The following ANKHD1 variants were observed in gnomAD, a reference collection of about 807,000 sequenced individuals.
ANKHD1 encodes ankyrin repeat and KH domain containing 1.
In ANKHD1, 31 loss-of-function variants were observed where a neutral mutation model predicts 230.5. The ratio of observed to expected loss-of-function variants is 0.13; its 90% confidence interval spans 0.10 to 0.18. The LOEUF (loss-of-function observed/expected upper bound fraction) is 0.18, where lower values mean the gene tolerates loss of function less well. Ranked by LOEUF, ANKHD1 falls within the 10% of genes least tolerant of loss-of-function variation. The pLI, the probability that ANKHD1 is intolerant of heterozygous loss-of-function variation, is 1.00. For synonymous variants in ANKHD1, 1,074 were observed against 1,117.6 expected (o/e 0.96, Z 0.78); for missense variants, 2,256 against 3,071.3 (o/e 0.73, Z 6.27).
At chr5:140,426,692 C>T (rs1041572479) in intron 1 of ANKHD1, among the ~76,000 whole-genome samples, 5 of 152,098 alleles carry the variant, frequency 3.3e-5, no homozygotes, top group African/African-American at 1.2e-4. Flanking sequence ...TCCCTGGGTA[C>T]TTGAGACCAG....
At chr5:140,530,849 A>ATGTTGC (rs1753780569) in intron 29 of ANKHD1, among the ~76,000 whole-genome samples, 4 of 152,402 alleles carry the variant, frequency 2.6e-5, no homozygotes, top group Admixed American at 1.3e-4. Flanking sequence ...GTTGCTAATT[A>ATGTTGC]TAAACTGACC....
intron 1 of ANKHD1, among the ~76,000 whole-genome samples, chr5:140,421,018 G>T (rs1771931411): frequency 1.3e-5 from 2 of 152,186 alleles, no homozygotes; most frequent in Non-Finnish European, 2.9e-5. Context: ...TTTAAACCAT[G>T]TAATTTAAAT....
At position 140,496,612 on chromosome 5, in the gene ANKHD1, G is replaced by A. The variant is rs2127037055; in HGVS notation, c.2338G>A (p.Glu780Lys). The A allele has an allele frequency of 6.2e-7, 1 of 1,613,718 alleles. No individual in the cohort carries two copies. Among genetic ancestry groups the A allele is most frequent in the Non-Finnish European group, 8.5e-7 (1 of 1,179,972 alleles). ...ATACCAGCCTTTGGAGTGCATAGTAGAGGAGACTGAAGGCAAGCTGAATGA... is the reference window on the plus strand; with the variant it reads ...ATACCAGCCTTTGGAGTGCATAGTAAAGGAGACTGAAGGCAAGCTGAATGA... Reference protein sequence around the residue: ...HPYQPLECIVEETEGKLNELG... With the variant: ...HPYQPLECIVKETEGKLNELG... Residue 780 changes from glutamate (E) to lysine (K), a missense_variant, in exon 15 of 34, where the codon GAG becomes AAG. Around this residue, in one of 13 missense-constraint regions of ANKHD1, gnomAD observed 358 missense variants for 397.7 expected, o/e 0.90. Coordinates refer to ENST00000360839, the MANE Select transcript of ANKHD1 (RefSeq NM_017747.3).
chr5:140,436,139 T>C lies in ANKHD1; in HGVS notation c.342T>C (p.Asp114=). 1 of 1,594,402 alleles carries C rather than the reference T, an allele frequency of 6.3e-7. No individual in the cohort carries two copies. Among genetic ancestry groups the C allele is most frequent in the South Asian group, 1.1e-5 (1 of 87,178 alleles). ...TTATTTTGGACCAAGAAGATCTGGA[T>C]AACCCAGTGCTTAAAACAACATCAG... ...ESFILDQEDL[D]NPVLKTTSEI... is the part of the protein sequence containing the mutation. Residue 114 remains aspartate (D), a synonymous_variant, in exon 2 of 34, where the codon GAT becomes GAC. Transcript: ENST00000360839.
chr5:140,436,791 AC>A (rs1435272730), intron 2 of ANKHD1, among the ~76,000 whole-genome samples: 2 of 152,064 alleles, frequency 1.3e-5, no homozygotes, highest in African/African-American at 4.8e-5. Context: ...AGGAAAACTT[AC>A]CTGTTAGCCA....
In ANKHD1 at chr5:140,496,907, T is replaced by A. The variant is rs370586046; in HGVS notation, c.2633T>A (p.Val878Asp). The change falls in exon 15 of 34, where the codon GTC becomes GAC. Residue 878 changes from valine (V) to aspartate (D), a missense_variant. Physicochemically the swap from Val to Asp is radical, Grantham distance 152 (BLOSUM62 -3). Around this residue, in one of 13 missense-constraint regions of ANKHD1, gnomAD observed 358 missense variants for 397.7 expected, o/e 0.90. Transcript: ENST00000360839. ...CACCAACAGTGCTCTCATAGAGGAG[T>A]CTTCCCAGAAGGGGAAGGAGATGGT... ...SLHQQCSHRG[V>D]FPEGEGDGSL... 1.4e-4 allele frequency: 226 copies of A among 1,613,886 alleles called. 1 individual carries two copies. Among genetic ancestry groups the A allele is most frequent in the Non-Finnish European group, 1.8e-4 (208 of 1,180,010 alleles).
At chr5:140,441,675 A>C (rs2126922774) in intron 5 of ANKHD1, among the ~76,000 whole-genome samples, 1 of 152,304 alleles carries the variant, frequency 6.6e-6, no homozygotes, top group South Asian at 2.1e-4. Flanking sequence ...TAGAATGAAC[A>C]AGTCAAAAAG....
intron 10 of ANKHD1, among the ~76,000 whole-genome samples, chr5:140,476,416 G>T (rs1750971288): frequency 6.6e-6 from 1 of 151,932 alleles, no homozygotes; most frequent in Admixed American, 6.6e-5. Flanking sequence ...TGAAACTGTG[G>T]AACTTTAAGG....
chr5:140,473,168 A>G (rs1750761617), intron 10 of ANKHD1, among the ~76,000 whole-genome samples: 1 of 151,500 alleles, frequency 6.6e-6, no homozygotes, highest in African/African-American at 2.4e-5. Context: ...AACTGGGATT[A>G]CAGGCGCGTG....
At chr5:140,503,092 G>A (rs1752374546) in intron 15 of ANKHD1, among the ~76,000 whole-genome samples, 1 of 152,066 alleles carries the variant, frequency 6.6e-6, no homozygotes, top group Non-Finnish European at 1.5e-5. Flanking sequence ...CTTTGAATGG[G>A]ATCTAGTCAT....
intron 24 of ANKHD1, among the ~76,000 whole-genome samples, chr5:140,515,605 C>T (rs983458035): frequency 6.6e-6 from 1 of 152,210 alleles, no homozygotes; most frequent in Non-Finnish European, 1.5e-5. Flanking sequence ...AACGGGCAGA[C>T]TGCCTCCTCA....
chr5:140,508,721 A>G (rs1752638904), intron 20 of ANKHD1, among the ~76,000 whole-genome samples: 1 of 151,600 alleles, frequency 6.6e-6, no homozygotes, highest in Admixed American at 6.6e-5. Flanking sequence ...ACGCCATTGC[A>G]CTCCAGCCCG....
intron 10 of ANKHD1, among the ~76,000 whole-genome samples, chr5:140,471,468 CAGTT>C (rs1430659601): frequency 6.6e-6 from 1 of 152,146 alleles, no homozygotes; most frequent in South Asian, 2.1e-4. Flanking sequence ...TGAGCCTTAA[CAGTT>C]AGCTTCTTAA....
intron 22 of ANKHD1, among the ~76,000 whole-genome samples, chr5:140,510,673 C>T (rs1561814159): frequency 6.6e-6 from 1 of 152,108 alleles, no homozygotes; most frequent in Non-Finnish European, 1.5e-5. Flanking sequence ...GTTGTTAAAT[C>T]ACTTGGTGTC....
In ANKHD1 at chr5:140,424,219, TAGAGAG is replaced by T. The variant is rs146480393; in HGVS notation, c.307-11867_307-11862del. ...AATAATACTAGCTACTATATATATA[TAGAGAG>T]AGAGAGAGAGAGAGAGACAGAGACA... On this transcript the variant is annotated intron_variant, in intron 1 of 33. Transcript: ENST00000360839. Among the ~76,000 whole-genome samples, 886 of 149,648 alleles carry T rather than the reference TAGAGAG, an allele frequency of 5.9e-3. 9 individuals are homozygous for T. Among genetic ancestry groups the T allele is most frequent in the African/African-American group, 0.02 (821 of 40,856 alleles).
intron 10 of ANKHD1, among the ~76,000 whole-genome samples, chr5:140,473,608 T>G (rs1242211693): frequency 6.6e-6 from 1 of 152,038 alleles, no homozygotes; most frequent in Non-Finnish European, 1.5e-5. Flanking sequence ...GCCCAACTAA[T>G]TTTTTTCATT....
intron 29 of ANKHD1, among the ~76,000 whole-genome samples, chr5:140,535,006 T>C (rs1012385614): frequency 3.3e-5 from 5 of 152,212 alleles, no homozygotes; most frequent in Non-Finnish European, 7.3e-5. Context: ...GGAGTTATTG[T>C]TGGGTGCTAC....
At position 140,506,072 on chromosome 5, in the gene ANKHD1, C is replaced by T. The variant is rs1212402575; in HGVS notation, c.3408+203C>T. 6.6e-6 allele frequency among the ~76,000 whole-genome samples: 1 copy of T among 152,110 alleles called. No individual in the cohort carries two copies. The highest frequency in any genetic ancestry group is 2.4e-5 in the African/African-American group (1 of 41,418). ...ATAACCTTGAACTCTGGGGCTCAAG[C>T]AATCCTCAGCCTCCCAAGTAGCTAG... is the stretch of plus-strand genomic sequence containing the variant. On this transcript the variant is annotated intron_variant, in intron 18 of 33. Coordinates refer to ENST00000360839, the MANE Select transcript of ANKHD1 (RefSeq NM_017747.3). This position sits in a 1 kb window ranked among gnomAD's most constrained non-coding sequence, Gnocchi z 4.7.
At chr5:140,537,275 G>A (rs775160239) in intron 30 of ANKHD1, 114 bp from the exon 31 acceptor site, 1,420 of 1,450,144 alleles carry the variant, frequency 9.8e-4, no homozygotes, top group Non-Finnish European at 1.2e-3. Flanking sequence ...TTCCAACAAG[G>A]TTTCTCATAT....
Sources: gnomAD v4.1 joint callset for allele counts (sites outside exome capture counted in the v4.1 genomes callset) on GRCh38, gnomAD v4.1.1 for gene constraint, gnomAD v4.1.1 regional missense constraint, Gnocchi (gnomAD v3.1) non-coding constraint, MANE v1.5 for transcripts, NCBI Gene and HGNC (gene_info 2026-07-23, HGNC 2026-07-21) for gene names.